Variants in PLEKHG7 observed in about 807,000 individuals in gnomAD.
PLEKHG7 encodes the protein pleckstrin homology and RhoGEF domain containing G7.
Under a neutral mutation model 85.2 loss-of-function variants are expected in PLEKHG7, and 77 were observed. The ratio of observed to expected loss-of-function variants is 0.90; its 90% CI spans 0.75 to 1.09. PLEKHG7 has a LOEUF of 1.09. PLEKHG7 is among the 50% of genes least tolerant of loss of function. The pLI is 0.00. For synonymous variants in PLEKHG7, 301 were observed against 302.4 expected (o/e 1.00, Z 0.05); for missense variants, 777 against 804.3 (o/e 0.97, Z 0.41).
At chr12:92,764,880 C>T (rs1208798928) in intron 15 of PLEKHG7, among the ~76,000 whole-genome samples, 1 of 152,074 alleles carries the variant, frequency 6.6e-6, no homozygotes, top group Non-Finnish European at 1.5e-5. Flanking sequence ...AGCCCTGGGA[C>T]TCTGAGTTAC....
intron 3 of PLEKHG7, among the ~76,000 whole-genome samples, chr12:92,725,257 T>C (rs556423650): frequency 1.3e-5 from 2 of 152,282 alleles, no homozygotes; most frequent in East Asian, 3.9e-4. Context: ...CATTCCCTAT[T>C]TCCAGAGATC....
chr12:92,761,005 G>T (rs939876270), intron 13 of PLEKHG7, among the ~76,000 whole-genome samples: 1 of 152,150 alleles, frequency 6.6e-6, no homozygotes, highest in Non-Finnish European at 1.5e-5. Flanking sequence ...CCTGATGAGC[G>T]CTCTCTTCAA....
At chr12:92,732,349 C>A in intron 5 of PLEKHG7, 76 bp downstream of exon 5, 1 of 845,192 alleles carries the variant, frequency 1.2e-6, no homozygotes, top group South Asian at 6.1e-5. Context: ...GCTGAAGAGT[C>A]TCTTCATTCT....
At chr12:92,703,889 G>A (rs1871156492) in intron 1 of PLEKHG7, among the ~76,000 whole-genome samples, 1 of 152,172 alleles carries the variant, frequency 6.6e-6, no homozygotes, top group African/African-American at 2.4e-5. Context: ...GAAACCCAAA[G>A]CCGTATCCTA....
At chr12:92,766,536 G>T (rs1414170358) in intron 15 of PLEKHG7, among the ~76,000 whole-genome samples, 3 of 151,524 alleles carry the variant, frequency 2.0e-5, no homozygotes, top group Admixed American at 6.6e-5. Flanking sequence ...TTAATTAAAA[G>T]ATCTTTTTAA....
chr12:92,761,642 GAAAGAAAGAAAGAAAGAAAGAA>G (rs1873020506), intron 13 of PLEKHG7, 88 bp from the exon 14 acceptor site: 1 of 778,918 alleles, frequency 1.3e-6, no homozygotes, highest in African/African-American at 2.4e-5. Flanking sequence ...AAGAAAGAAA[GAAAGAAAGAAAGAAAGAAAGAA>G]AGAAAGAAAG....
intron 3 of PLEKHG7, among the ~76,000 whole-genome samples, chr12:92,711,050 C>T (rs973600265): frequency 6.6e-6 from 1 of 152,206 alleles, no homozygotes; most frequent in Non-Finnish European, 1.5e-5. Flanking sequence ...CCTGACCATC[C>T]AGCCAATCCA....
In PLEKHG7 at chr12:92,764,052, C is replaced by T; in HGVS notation, c.1728C>T (p.Gly576=). 1 of 1,603,788 alleles carries T rather than the reference C, an allele frequency of 6.2e-7. No homozygotes were observed. The highest frequency in any genetic ancestry group is 2.3e-5 in the East Asian group (1 of 44,286). The change falls in exon 15 of 17, where the codon GGC becomes GGT. Residue 576 remains glycine, a synonymous_variant. Transcript: ENST00000344636. ...CTTGTTAATTTCAGAAACTTGGAGG[C>T]TCAGACCCTGGTTTAATGTGTCCTT... ...KTKCNKKKLG[G]SDPGLMCPSL... is the part of the protein sequence containing the mutation.
chr12:92,770,214 AT>A lies in PLEKHG7; in HGVS notation c.*20del, dbSNP rs1565799881. ...AATTTAGGGACCTAAAACAAGTGGC[AT>A]GTCTTTTTAGAAGATTATGGTTTAA... On this transcript the variant is annotated 3_prime_UTR_variant, in exon 17 of 17. Coordinates refer to ENST00000344636, the MANE Select transcript of PLEKHG7 (RefSeq NM_001377329.1). The A allele has an allele frequency of 5.3e-6, 8 of 1,496,092 alleles. No homozygotes were observed. The South Asian group carries it at 7.2e-5, about 13-fold the overall frequency. 92.7% of individuals were successfully genotyped at this position (1,496,092 alleles called of 1,614,324 possible).
At position 92,772,352 on chromosome 12, in the gene PLEKHG7, G is replaced by A. The variant is rs1053193324; in HGVS notation, c.*2157G>A. On this transcript the variant is annotated 3_prime_UTR_variant, in exon 17 of 17. Coordinates refer to ENST00000344636, the MANE Select transcript of PLEKHG7 (RefSeq NM_001377329.1). ...GCATTAATAATTTCTCTTGAGATCA[G>A]GAATTTAATTACTATTCGAAATTGA... The A allele has an allele frequency of 2.0e-5, 3 of 151,618 alleles. No homozygotes were observed. Among genetic ancestry groups the A allele is most frequent in the Non-Finnish European group, 4.4e-5 (3 of 67,760 alleles). 9.4% of individuals were successfully genotyped at this position (151,618 alleles called of 1,614,324 possible). A position where few individuals can be genotyped will look rare whatever the true frequency, so the allele number is the denominator to read the frequency against.
chr12:92,724,487 C>T (rs1015028558), intron 3 of PLEKHG7, among the ~76,000 whole-genome samples: 8 of 152,080 alleles, frequency 5.3e-5, no homozygotes, highest in African/African-American at 1.9e-4. Flanking sequence ...AGGAGGAATC[C>T]AGGATGAGAG....
chr12:92,725,961 G>A (rs959508549), intron 3 of PLEKHG7, among the ~76,000 whole-genome samples: 3 of 152,134 alleles, frequency 2.0e-5, no homozygotes, highest in African/African-American at 7.2e-5. Context: ...AATCTCCACG[G>A]TGGGACTTGG....
At chr12:92,767,647 A>G (rs1036764471) in intron 15 of PLEKHG7, among the ~76,000 whole-genome samples, 37 of 152,204 alleles carry the variant, frequency 2.4e-4, no homozygotes, top group African/African-American at 8.9e-4. Context: ...TTATGAGTAT[A>G]ATCTGTGATA....
At chr12:92,768,489 G>A (rs752291990) in intron 15 of PLEKHG7, among the ~76,000 whole-genome samples, 15 of 152,138 alleles carry the variant, frequency 9.9e-5, no homozygotes, top group Non-Finnish European at 1.6e-4. Context: ...TTGGCCTGAA[G>A]TATTCAGGTG....
At position 92,761,781 on chromosome 12, in the gene PLEKHG7, T is replaced by G. The variant is rs144103200; in HGVS notation, c.1666T>G (p.Phe556Val). The change falls in exon 14 of 17, where the codon TTT becomes GTT. Residue 556 changes from phenylalanine (F) to valine (V), a missense_variant. Physicochemically the swap from Phe to Val is conservative, Grantham distance 50. Coordinates refer to ENST00000344636, the MANE Select transcript of PLEKHG7 (RefSeq NM_001377329.1). ...CACGAGATTCCTAGATGTTTATCTG[T>G]TTCTCTTCAATGATTTCCTCTTAGT... ...ESTRFLDVYL[F>V]LFNDFLLVTK... The G allele has an allele frequency of 3.3e-5, 52 of 1,577,596 alleles. No homozygotes were observed. Among genetic ancestry groups the G allele is most frequent in the Non-Finnish European group, 4.5e-5 (52 of 1,167,670 alleles).
Position 92,764,171 on chromosome 12 carries a change from G to C in PLEKHG7, c.1847G>C (p.Ser616Thr). The stretch of plus-strand genomic sequence containing the variant: ...CCACTAGATAGATTGGTAGTCAAAA[G>C]TATTGAACCACTCCATGTGTCAGGT... Reference protein sequence around the residue: ...PIPLDRLVVKSIEPLHVSVFG... With the variant: ...PIPLDRLVVKTIEPLHVSVFG... The change falls in exon 15 of 17, where the codon AGT becomes ACT. Residue 616 changes from serine (S) to threonine (T), a missense_variant. This residue lies in a region of PLEKHG7 where 520 missense variants were observed against 544.0 expected (regional missense o/e 0.96). Transcript: ENST00000344636. 6.2e-7 allele frequency: 1 copy of C among 1,606,708 alleles called. No homozygotes were observed. The highest frequency in any genetic ancestry group is 8.5e-7 in the Non-Finnish European group (1 of 1,176,222).
chr12:92,756,942 C>T (rs1185582212), intron 13 of PLEKHG7, among the ~76,000 whole-genome samples: 1 of 152,162 alleles, frequency 6.6e-6, no homozygotes, highest in Non-Finnish European at 1.5e-5. Flanking sequence ...GGAGAGGCTT[C>T]GTGCAGTCCA....
At chr12:92,739,715 AT>A (rs376339730) in intron 7 of PLEKHG7, among the ~76,000 whole-genome samples, 4 of 152,214 alleles carry the variant, frequency 2.6e-5, no homozygotes, top group African/African-American at 9.6e-5. Context: ...AAGACTCAGT[AT>A]TTTTTTTAAA....
At chr12:92,748,428 G>A (rs146441428) in intron 10 of PLEKHG7, among the ~76,000 whole-genome samples, 159 of 151,972 alleles carry the variant, frequency 1.0e-3, no homozygotes, top group Middle Eastern at 3.4e-3. Flanking sequence ...TTATATTTTC[G>A]GTAGAGACGG....
Sources: gnomAD v4.1 joint callset for allele counts (sites outside exome capture counted in the v4.1 genomes callset) on GRCh38, gnomAD v4.1.1 for gene constraint, gnomAD v4.1.1 regional missense constraint, MANE v1.5 for transcripts, NCBI Gene and HGNC (gene_info 2026-07-23, HGNC 2026-07-21) for gene names.